ATF6: variants seen among roughly 807,000 people sequenced by gnomAD.
The protein encoded by ATF6 is activating transcription factor 6, also known as cyclic AMP-dependent transcription factor ATF-6 alpha.
Under a neutral mutation model 83.6 loss-of-function variants are expected in ATF6, and 53 were observed. The observed-to-expected ratio is 0.63, with a 90% CI of 0.51 to 0.80. ATF6 has a LOEUF of 0.80. Ranked by LOEUF, ATF6 falls within the 30% of genes least tolerant of loss-of-function variation. The pLI, the probability that ATF6 is intolerant of heterozygous loss-of-function variation, is 0.00. For synonymous variants in ATF6, 288 were observed against 285.8 expected (o/e 1.01, Z -0.08); for missense variants, 744 against 797.9 (o/e 0.93, Z 0.81).
At chr1:161,770,408 C>A (rs966787139) in intron 1 of ATF6, among the ~76,000 whole-genome samples, 24 of 152,188 alleles carry the variant, frequency 1.6e-4, no homozygotes, top group African/African-American at 5.8e-4. Flanking sequence ...TTTATTTTCT[C>A]CCAGTTCTGG....
intron 14 of ATF6, among the ~76,000 whole-genome samples, chr1:161,875,507 T>C (rs1021839387): frequency 6.6e-6 from 1 of 151,828 alleles, no homozygotes; most frequent in African/African-American, 2.4e-5. Context: ...ACAAATCTTA[T>C]CAGAAAAGTC....
intron 15 of ATF6, among the ~76,000 whole-genome samples, chr1:161,956,490 T>C (rs985245067): frequency 1.3e-5 from 2 of 152,224 alleles, no homozygotes; most frequent in Admixed American, 6.5e-5. Context: ...ATGAGAAACA[T>C]TGGCTAACTT....
chr1:161,886,916 A>G (rs901972057), intron 14 of ATF6, among the ~76,000 whole-genome samples: 2 of 152,202 alleles, frequency 1.3e-5, no homozygotes, highest in Admixed American at 1.3e-4. Context: ...AGTTCTAGAG[A>G]CACTGAATTG....
intron 9 of ATF6, among the ~76,000 whole-genome samples, chr1:161,842,867 G>A (rs904154011): frequency 3.3e-5 from 5 of 152,228 alleles, no homozygotes; most frequent in African/African-American, 9.6e-5. Context: ...AGTGAAAGGA[G>A]CACATCCTAC....
intron 8 of ATF6, among the ~76,000 whole-genome samples, chr1:161,820,051 C>G (rs1165700974): frequency 6.6e-6 from 1 of 152,210 alleles, no homozygotes. Context: ...GGTTTCTCCT[C>G]ATTCATTGCC....
In ATF6 at chr1:161,916,969, A is replaced by G. The variant is rs113974835; in HGVS notation, c.1804+4589A>G. On this transcript the variant is annotated intron_variant, in intron 15 of 15. Transcript: ENST00000367942. ...TTATTTTCTAGGCTTTCATGATACCATGACTTGTCTAGGTTTCCTCCTGTA... is the reference window on the plus strand; with the variant it reads ...TTATTTTCTAGGCTTTCATGATACCGTGACTTGTCTAGGTTTCCTCCTGTA... Among the ~76,000 whole-genome samples, 352 of 152,242 alleles carry G rather than the reference A, an allele frequency of 2.3e-3. 3 individuals carry two copies. The highest frequency in any genetic ancestry group is 7.8e-3 in the African/African-American group (326 of 41,552).
At chr1:161,894,379 T>C (rs1687625023) in intron 14 of ATF6, among the ~76,000 whole-genome samples, 1 of 151,854 alleles carries the variant, frequency 6.6e-6, no homozygotes, top group African/African-American at 2.4e-5. Context: ...GAGTGAAATG[T>C]CTTAAACCAC....
chr1:161,876,731 A>G (rs1023593741), intron 14 of ATF6, among the ~76,000 whole-genome samples: 10 of 152,010 alleles, frequency 6.6e-5, no homozygotes, highest in African/African-American at 2.4e-4. Flanking sequence ...TTTATTAACA[A>G]TTTTGACCAG....
intron 1 of ATF6, among the ~76,000 whole-genome samples, chr1:161,768,880 A>G (rs1684326235): frequency 6.6e-6 from 1 of 151,934 alleles, no homozygotes; most frequent in Admixed American, 6.6e-5. Flanking sequence ...ATTTTTTTTT[A>G]ATATTAGACA....
chr1:161,784,672 T>TA (rs1466342067), intron 4 of ATF6, among the ~76,000 whole-genome samples: 1 of 152,134 alleles, frequency 6.6e-6, no homozygotes, highest in Non-Finnish European at 1.5e-5. Flanking sequence ...AGTATAAGAA[T>TA]AAAAAAATCA....
At chr1:161,916,287 A>G (rs573449602) in intron 15 of ATF6, among the ~76,000 whole-genome samples, 2 of 152,292 alleles carry the variant, frequency 1.3e-5, no homozygotes, top group African/African-American at 2.4e-5. Flanking sequence ...AAAAATTTCA[A>G]ATCTATAGAA....
intron 7 of ATF6, among the ~76,000 whole-genome samples, chr1:161,808,311 G>A (rs1246833647): frequency 2.0e-5 from 3 of 152,102 alleles, no homozygotes; most frequent in Non-Finnish European, 4.4e-5. Flanking sequence ...CTCATTCTAG[G>A]GAGACAGTCC....
intron 14 of ATF6, among the ~76,000 whole-genome samples, chr1:161,902,171 A>G (rs1289171454): frequency 6.6e-6 from 1 of 152,174 alleles, no homozygotes; most frequent in Non-Finnish European, 1.5e-5. Flanking sequence ...CCCTTGCCTG[A>G]ATAACAATAA....
At chr1:161,919,016 A>G (rs1377796225) in intron 15 of ATF6, among the ~76,000 whole-genome samples, 1 of 152,204 alleles carries the variant, frequency 6.6e-6, no homozygotes, top group African/African-American at 2.4e-5. Context: ...AGAAATCGCT[A>G]AAGAGAGTAG....
At chr1:161,833,772 A>G (rs1363419735) in intron 9 of ATF6, among the ~76,000 whole-genome samples, 1 of 152,200 alleles carries the variant, frequency 6.6e-6, no homozygotes, top group African/African-American at 2.4e-5. Context: ...GACCAAATCT[A>G]CGTCTAATTG....
chr1:161,922,693 A>C (rs4233380), intron 15 of ATF6, among the ~76,000 whole-genome samples: 136,893 of 151,544 alleles, frequency 0.9, 61,996 homozygotes, highest in African/African-American at 0.96. Context: ...AGATTCCAAG[A>C]AGAGGGAGCA....
chr1:161,783,653 C>T (rs1037692535), intron 3 of ATF6, among the ~76,000 whole-genome samples: 1 of 151,770 alleles, frequency 6.6e-6, no homozygotes, highest in East Asian at 1.9e-4. Flanking sequence ...TATTCCTCAG[C>T]CAACAAGTTC....
At chr1:161,840,857 A>G (rs914682532) in intron 9 of ATF6, among the ~76,000 whole-genome samples, 2 of 152,164 alleles carry the variant, frequency 1.3e-5, no homozygotes, top group Non-Finnish European at 2.9e-5. Context: ...CTGATCATAG[A>G]GACAGCTAGA....
At chr1:161,923,954 C>T (rs1165993917) in intron 15 of ATF6, among the ~76,000 whole-genome samples, 1 of 152,194 alleles carries the variant, frequency 6.6e-6, no homozygotes, top group Non-Finnish European at 1.5e-5. Context: ...CTACTTAAGC[C>T]AACAGAGTTG....
Sources: allele counts gnomAD v4.1 joint callset (sites outside exome capture counted in the v4.1 genomes callset), GRCh38; gene constraint gnomAD v4.1.1; transcripts MANE v1.5; gene names NCBI Gene and HGNC (gene_info 2026-07-23, HGNC 2026-07-21).